The following CRLF2 variants were observed in gnomAD, a reference collection of about 807,000 sequenced individuals.
CRLF2 encodes cytokine receptor like factor 2, also known as cytokine receptor-like factor 2.
In CRLF2, 41 loss-of-function variants were observed where a neutral mutation model predicts 38.7. That is an observed-to-expected ratio of 1.06 (90% confidence interval 0.83 to 1.37). The LOEUF is 1.37. CRLF2 is among the 40% of genes most tolerant of loss of function. CRLF2 has a pLI of 0.00. For missense variants in CRLF2, 377 were observed against 322.2 expected (o/e 1.17, Z -1.30); for synonymous variants, 140 against 128.8 (o/e 1.09, Z -0.59).
intron 6 of CRLF2, among the ~76,000 whole-genome samples, chrX:1,195,530 C>G (rs1175739689): frequency 6.6e-6 from 1 of 151,744 alleles, no homozygotes; most frequent in Non-Finnish European, 1.5e-5. Context: ...ACCTCAGCCT[C>G]CCAAATAGCT....
intron 6 of CRLF2, 22 bp downstream of exon 6, chrX:1,196,758 G>C (rs773354225): frequency 6.2e-7 from 1 of 1,610,498 alleles, no homozygotes; most frequent in East Asian, 2.2e-5. Context: ...CTCCACCCAC[G>C]GGCGGCAGGA....
rs781871855 is a variant in CRLF2, at chrX:1,201,340, CTG to C, written c.483+1060_483+1061del. ...TGCCTGTGTGCCTGTGTTTGTGTGT[CTG>C]TGTGTGTGTGTGTGTAGAGAGACAG... On this transcript the variant is annotated intron_variant, in intron 4 of 7. Coordinates refer to ENST00000400841, the MANE Select transcript of CRLF2 (RefSeq NM_022148.4). 2.1e-4 allele frequency among the ~76,000 whole-genome samples: 32 copies of C among 150,008 alleles called. 1 individual carries two copies. Among genetic ancestry groups the C allele is most frequent in the Admixed American group, 6.0e-4 (9 of 14,986 alleles).
At chrX:1,202,656 G>A in intron 3 of CRLF2, 121 bp from the exon 4 acceptor site, 1 of 1,159,766 alleles carries the variant, frequency 8.6e-7, no homozygotes, top group Non-Finnish European at 1.3e-6. Context: ...GGTGTCTCGG[G>A]GTTCACCCGT....
chrX:1,205,230 G>A (rs1395503535), intron 3 of CRLF2, among the ~76,000 whole-genome samples: 3 of 152,214 alleles, frequency 2.0e-5, no homozygotes, highest in Non-Finnish European at 4.4e-5. Context: ...GAACTTCCTG[G>A]AAGGCCGGTT....
chrX:1,191,759 G>A (rs1292380438), intron 7 of CRLF2, among the ~76,000 whole-genome samples: 51 of 150,684 alleles, frequency 3.4e-4, no homozygotes, highest in Non-Finnish European at 6.6e-4. Context: ...TCGAACTCCC[G>A]ACCTCAGGTG....
Position 1,202,417 on chromosome X carries a change from G to A in CRLF2, c.468C>T (p.Phe156=), listed in dbSNP as rs755785714. The A allele has an allele frequency of 5.6e-6, 9 of 1,613,614 alleles. No homozygotes were observed. The highest frequency in any genetic ancestry group is 2.2e-5 in the East Asian group (1 of 44,880). ...CCCGGCTCACCTGCCACTCGGTGTCGAAGGGGCTCCGGTACTGAACCTCAT... is the reference window on the plus strand; with the variant it reads ...CCCGGCTCACCTGCCACTCGGTGTCAAAGGGGCTCCGGTACTGAACCTCAT... ...LLYEVQYRSP[F]DTEWQSKQEN... Residue 156 remains phenylalanine, a synonymous_variant, in exon 4 of 8, where the codon TTC becomes TTT. Transcript: ENST00000400841.
At chrX:1,195,446 C>T (rs2147824514) in intron 6 of CRLF2, among the ~76,000 whole-genome samples, 1 of 152,082 alleles carries the variant, frequency 6.6e-6, no homozygotes, top group Admixed American at 6.6e-5. Flanking sequence ...CGTGCTCTGT[C>T]ACCCAGGGTG....
intron 5 of CRLF2, 99 bp from the exon 6 acceptor site, chrX:1,196,999 AT>A: frequency 1.0e-6 from 1 of 974,344 alleles, no homozygotes. Context: ...AGTCTCCCTC[AT>A]TTTTTGGTGT....
chrX:1,208,986 G>A, intron 1 of CRLF2, 78 bp from the exon 2 acceptor site: 1 of 883,034 alleles, frequency 1.1e-6, no homozygotes, highest in South Asian at 1.6e-5. Context: ...TTTTCTTTTT[G>A]AGACAGAGTC....
At chrX:1,192,749 TTTCTTTCTTTCTTTCTTTCC>T (rs2086414194) in intron 7 of CRLF2, among the ~76,000 whole-genome samples, 2 of 120,494 alleles carry the variant, frequency 1.7e-5, no homozygotes, top group East Asian at 2.0e-4. Flanking sequence ...TCTTTCTTTC[TTTCTTTCTTTCTTTCTTTCC>T]TTCCTTCCTC....
At chrX:1,192,280 C>A (rs2147818716) in intron 7 of CRLF2, among the ~76,000 whole-genome samples, 1 of 151,502 alleles carries the variant, frequency 6.6e-6, no homozygotes, top group Non-Finnish European at 1.5e-5. Context: ...TTCTTTATAC[C>A]CTCTTCCCTT....
Position 1,210,113 on chromosome X carries a change from AAAGAAAAGAAAAG to A in CRLF2, c.80-1218_80-1206del, listed in dbSNP as rs1333833102. ...AGCAAGACTCCCTATCAAAAAAAAAAAAGAAAAGAAAAGAAAAGAAAAGAAAAGAAAAGAAATG... is the reference window on the plus strand; with the variant it reads ...AGCAAGACTCCCTATCAAAAAAAAAAAAAAGAAAAGAAAAGAAAAGAAATG... On this transcript the variant is annotated intron_variant, in intron 1 of 7. Coordinates refer to ENST00000400841, the MANE Select transcript of CRLF2 (RefSeq NM_022148.4). 4.7e-4 allele frequency among the ~76,000 whole-genome samples: 45 copies of A among 94,962 alleles called. 2 individuals carry two copies. Among genetic ancestry groups the A allele is most frequent in the African/African-American group, 1.7e-3 (30 of 17,638 alleles). The allele number at this position is 94,962 out of a possible 152,430, so 62.3% of individuals were successfully genotyped here.
chrX:1,198,723 G>C lies in CRLF2; in HGVS notation c.485C>G (p.Ser162Cys). The stretch of plus-strand genomic sequence containing the variant: ...GACGTTGCAGGTATTTTCCTGTTTG[G>C]ACTGGAGAAACATACACACACACAC... ...YRSPFDTEWQSKQENTCNVTI... is the reference protein window; with the variant it reads ...YRSPFDTEWQCKQENTCNVTI... The change falls in exon 5 of 8, where the codon TCC becomes TGC. Residue 162 changes from serine to cysteine, a missense_variant and splice_region_variant. Coordinates refer to ENST00000400841, the MANE Select transcript of CRLF2 (RefSeq NM_022148.4). The C allele has an allele frequency of 6.9e-7, 1 of 1,451,132 alleles. No homozygotes were observed. Among genetic ancestry groups the C allele is most frequent in the South Asian group, 1.2e-5 (1 of 86,822 alleles). The allele number at this position is 1,451,132 out of a possible 1,614,324, so 89.9% of individuals were successfully genotyped here.
At chrX:1,194,905 A>ATG (rs2086450969) in intron 6 of CRLF2, among the ~76,000 whole-genome samples, 1 of 150,798 alleles carries the variant, frequency 6.6e-6, no homozygotes, top group Non-Finnish European at 1.5e-5. Flanking sequence ...GGTGGCGCGC[A>ATG]CCTGTAGTCC....
intron 6 of CRLF2, among the ~76,000 whole-genome samples, chrX:1,194,377 G>A (rs1268615526): frequency 1.2e-3 from 175 of 151,924 alleles, no homozygotes; most frequent in African/African-American, 3.3e-3. Context: ...CAGGAGAATC[G>A]CTTGAGCCTG....
chrX:1,208,531 C>T (rs2086731478), intron 2 of CRLF2, among the ~76,000 whole-genome samples: 1 of 151,996 alleles, frequency 6.6e-6, no homozygotes, highest in Non-Finnish European at 1.5e-5. Flanking sequence ...TGCACTCCAG[C>T]GTGGCAACGG....
At chrX:1,203,587 C>T (rs1312596494) in intron 3 of CRLF2, among the ~76,000 whole-genome samples, 2 of 150,912 alleles carry the variant, frequency 1.3e-5, no homozygotes, top group Admixed American at 1.3e-4. Context: ...AGAGGAGACA[C>T]AGAGGAGAAG....
chrX:1,195,587 CT>C (rs1428039139), intron 6 of CRLF2, among the ~76,000 whole-genome samples: 2 of 147,680 alleles, frequency 1.4e-5, no homozygotes, highest in African/African-American at 2.5e-5. Flanking sequence ...TTATTTTTTC[CT>C]TTTTTTCAGA....
intron 2 of CRLF2, among the ~76,000 whole-genome samples, chrX:1,207,768 G>C (rs2086718930): frequency 6.6e-6 from 1 of 151,420 alleles, no homozygotes; most frequent in Non-Finnish European, 1.5e-5. Context: ...TCTTGCCTCA[G>C]CCTCCTGAGT....
Sources: gnomAD v4.1 joint callset for allele counts (sites outside exome capture counted in the v4.1 genomes callset) on GRCh38, gnomAD v4.1.1 for gene constraint, MANE v1.5 for transcripts, NCBI Gene and HGNC (gene_info 2026-07-23, HGNC 2026-07-21) for gene names.